GNG2: variants seen among roughly 807,000 people sequenced by gnomAD.
GNG2 encodes the protein G protein subunit gamma 2, also known as guanine nucleotide-binding protein G(I)/G(S)/G(O) subunit gamma-2.
A neutral mutation model predicts 5.5 loss-of-function variants in GNG2; 5 were observed. The observed-to-expected ratio is 0.91, with a 90% CI of 0.48 to 1.92. The LOEUF is 1.92. Among genes scored for constraint, GNG2 ranks in the 30% most tolerant of loss-of-function variants. The pLI is 0.01. For synonymous variants in GNG2, 28 were observed against 32.0 expected (o/e 0.88, Z 0.42); for missense variants, 55 against 88.4 (o/e 0.62, Z 1.52).
chr14:51,854,816 C>A (rs1048401675), intron 2 of GNG2, among the ~76,000 whole-genome samples: 1 of 152,084 alleles, frequency 6.6e-6, no homozygotes, highest in African/African-American at 2.4e-5. Flanking sequence ...CCCGGCCGGC[C>A]GTGGCTCTTT....
At position 51,951,984 on chromosome 14, in the gene GNG2, CA is replaced by C. The variant is rs1672485834; in HGVS notation, c.87+1220del. 5.7e-5 allele frequency: 38 copies of C among 667,082 alleles called. No individual in the cohort carries two copies. In the East Asian group the frequency reaches 1.0e-3, roughly 18 times the overall value. The allele number at this position is 667,082 out of a possible 1,614,324, so 41.3% of individuals were successfully genotyped here. A position where few individuals can be genotyped will look rare whatever the true frequency, so the allele number is the denominator to read the frequency against. ...TATAAAAGGACCAATTACCGAACCA[CA>C]CCCAAACCAATTAAATTAGAATCTC... On this transcript the variant is annotated intron_variant, in intron 3 of 3. Coordinates refer to ENST00000556766, the MANE Select transcript of GNG2 (RefSeq NM_053064.5).
rs567900937 is a variant in GNG2, at chr14:51,922,595, A to G, written c.-29-28055A>G. On this transcript the variant is annotated intron_variant, in intron 2 of 3. Transcript: ENST00000556766. ...AAAAGTAGAGTTCAACCTCTCTGACAATTTCCATTGCCCCTCCTTTGTCCC... is the reference window on the plus strand; with the variant it reads ...AAAAGTAGAGTTCAACCTCTCTGACGATTTCCATTGCCCCTCCTTTGTCCC... Among the ~76,000 whole-genome samples the G allele has an allele frequency of 2.0e-4, 30 of 152,238 alleles. No homozygotes were observed. In the South Asian group the frequency reaches 6.2e-3, roughly 32 times the overall value.
intron 1 of GNG2, among the ~76,000 whole-genome samples, chr14:51,874,243 G>A (rs559595394): frequency 6.6e-6 from 1 of 152,128 alleles, no homozygotes; most frequent in Non-Finnish European, 1.5e-5. Context: ...CTGGCTAACG[G>A]TGAAACCCCT....
At chr14:51,925,399 G>A (rs1887249667) in intron 2 of GNG2, among the ~76,000 whole-genome samples, 1 of 152,190 alleles carries the variant, frequency 6.6e-6, no homozygotes, top group African/African-American at 2.4e-5. Flanking sequence ...ATATGGCAGA[G>A]GATTCAGGTG....
At chr14:51,883,785 C>G (rs1278727915) in intron 2 of GNG2, among the ~76,000 whole-genome samples, 1 of 152,012 alleles carries the variant, frequency 6.6e-6, no homozygotes, top group Non-Finnish European at 1.5e-5. Context: ...GTACCAGACA[C>G]TATATCAGTT....
chr14:51,836,441 TAAG>T (rs1566639322), intron 2 of GNG2, among the ~76,000 whole-genome samples: 1 of 152,274 alleles, frequency 6.6e-6, no homozygotes, highest in East Asian at 1.9e-4. Flanking sequence ...ATATGCAACA[TAAG>T]AATATATATT....
chr14:51,948,650 T>C (rs971536019), intron 2 of GNG2, among the ~76,000 whole-genome samples: 4 of 152,236 alleles, frequency 2.6e-5, no homozygotes, highest in African/African-American at 2.4e-5. Context: ...TGATTGGGTC[T>C]CTAACCATGC....
At chr14:51,929,829 G>A (rs1887549481) in intron 2 of GNG2, among the ~76,000 whole-genome samples, 1 of 152,182 alleles carries the variant, frequency 6.6e-6, no homozygotes, top group Non-Finnish European at 1.5e-5. Context: ...TTGTGGCGCA[G>A]GCTGCTCTGA....
Position 51,882,824 on chromosome 14 carries a change from A to C in GNG2, c.-30+5167A>C, listed in dbSNP as rs539030085. ...GGAGATCGGGACCATCCTGGCTAAC[A>C]CGGTGAAACCCAGTCTTTACTAAAA... is the stretch of plus-strand genomic sequence containing the variant. On this transcript the variant is annotated intron_variant, in intron 2 of 3. Coordinates refer to ENST00000556766, the MANE Select transcript of GNG2 (RefSeq NM_053064.5). Among the ~76,000 whole-genome samples, 3 of 152,118 alleles carry C rather than the reference A, an allele frequency of 2.0e-5. No homozygotes were observed. In the South Asian group the frequency reaches 6.2e-4, roughly 32 times the overall value.
intron 1 of GNG2, among the ~76,000 whole-genome samples, chr14:51,872,089 A>T (rs186066921): frequency 1.3e-5 from 2 of 152,222 alleles, no homozygotes; most frequent in Non-Finnish European, 1.5e-5. Flanking sequence ...TACTGTCAAG[A>T]CAACACAAAG....
At chr14:51,939,156 C>T (rs78596351) in intron 2 of GNG2, among the ~76,000 whole-genome samples, 4,753 of 151,928 alleles carry the variant, frequency 0.031, 179 homozygotes, top group East Asian at 0.13. Context: ...ATCTTTTTTC[C>T]GTGGAGTGAA....
At chr14:51,851,633 T>C (rs1193784751) in intron 2 of GNG2, among the ~76,000 whole-genome samples, 1 of 152,240 alleles carries the variant, frequency 6.6e-6, no homozygotes, top group African/African-American at 2.4e-5. Context: ...ATGACTGTCA[T>C]AGATGGTGAG....
chr14:51,966,431 GC>G (rs1260263547), intron 3 of GNG2, 127 bp from the exon 4 acceptor site: 1 of 774,508 alleles, frequency 1.3e-6, no homozygotes, highest in Admixed American at 2.3e-5. Context: ...GGAAGCAGAA[GC>G]TTTTAGAGGC....
chr14:51,828,910 G>A (rs57774580), intron 2 of GNG2, among the ~76,000 whole-genome samples: 4,626 of 152,150 alleles, frequency 0.03, 119 homozygotes, highest in African/African-American at 0.065. Context: ...ATGTGCAGAC[G>A]TGACAGGCCC....
intron 2 of GNG2, among the ~76,000 whole-genome samples, chr14:51,832,820 C>T (rs935158995): frequency 6.6e-6 from 1 of 152,204 alleles, no homozygotes; most frequent in African/African-American, 2.4e-5. Context: ...GTTACCATCA[C>T]ATTGAAGATG....
intron 2 of GNG2, among the ~76,000 whole-genome samples, chr14:51,929,805 G>A (rs1887548137): frequency 6.6e-6 from 1 of 152,192 alleles, no homozygotes; most frequent in Non-Finnish European, 1.5e-5. Context: ...GTCGAGAGAA[G>A]AGGCTGGCAA....
At chr14:51,915,562 G>A (rs1430483174) in intron 2 of GNG2, among the ~76,000 whole-genome samples, 3 of 152,130 alleles carry the variant, frequency 2.0e-5, no homozygotes, top group East Asian at 1.9e-4. Flanking sequence ...AATATGATAC[G>A]TTAGAAGCCA....
intron 1 of GNG2, among the ~76,000 whole-genome samples, chr14:51,863,669 T>G (rs1397578249): frequency 6.6e-6 from 1 of 152,084 alleles, no homozygotes; most frequent in Non-Finnish European, 1.5e-5. Context: ...CTATACCCAT[T>G]AATCAATACC....
intron 1 of GNG2, among the ~76,000 whole-genome samples, chr14:51,876,273 T>G (rs1202940247): frequency 6.6e-6 from 1 of 151,990 alleles, no homozygotes; most frequent in African/African-American, 2.4e-5. Context: ...TTTTAAAATT[T>G]TATCATGTGG....
Sources: gnomAD v4.1 joint callset for allele counts (sites outside exome capture counted in the v4.1 genomes callset) on GRCh38, gnomAD v4.1.1 for gene constraint, MANE v1.5 for transcripts, NCBI Gene and HGNC (gene_info 2026-07-23, HGNC 2026-07-21) for gene names.